Variants in COMMD1 observed in about 807,000 individuals in gnomAD.
COMMD1 encodes COMM domain-containing protein 1.
In COMMD1, 10 loss-of-function variants were observed where a neutral mutation model predicts 17.2. That is an observed-to-expected ratio of 0.58 (90% CI 0.36 to 0.99). The LOEUF (loss-of-function observed/expected upper bound fraction) is 0.99, where lower values mean the gene tolerates loss of function less well. COMMD1 is among the 50% of genes least tolerant of loss of function. The probability of loss-of-function intolerance (pLI) is 0.01; values close to 1 mark genes in which losing one functional copy is unlikely to be tolerated. For missense variants in COMMD1, 270 were observed against 231.8 expected (o/e 1.17, Z -1.07); for synonymous variants, 97 against 91.6 (o/e 1.06, Z -0.34).
At chr2:61,951,108 A>G (rs1403732831) in intron 1 of COMMD1, among the ~76,000 whole-genome samples, 1 of 152,140 alleles carries the variant, frequency 6.6e-6, no homozygotes, top group African/African-American at 2.4e-5. Flanking sequence ...ACTCCCACGG[A>G]GAGAGGGTTA....
intron 2 of COMMD1, among the ~76,000 whole-genome samples, chr2:62,065,803 T>C (rs143459701): frequency 3.3e-5 from 5 of 152,370 alleles, no homozygotes; most frequent in Admixed American, 2.6e-4. Flanking sequence ...CAAAAATTAA[T>C]GTAGATGTTT....
intron 2 of COMMD1, among the ~76,000 whole-genome samples, chr2:62,041,937 T>C (rs976334755): frequency 1.3e-5 from 2 of 152,204 alleles, no homozygotes; most frequent in African/African-American, 4.8e-5. Flanking sequence ...GTGAAAGAAC[T>C]AAGCTTCCAC....
In COMMD1 at chr2:61,914,815, C is replaced by T. The variant is rs188697316; in HGVS notation, c.180+8957C>T. ...AAGCGATTCTCGTGTCTCAGCCACCCGAGTGGCTGGGATTACAGGTGTGTG... is the reference window on the plus strand; with the variant it reads ...AAGCGATTCTCGTGTCTCAGCCACCTGAGTGGCTGGGATTACAGGTGTGTG... On this transcript the variant is annotated intron_variant, in intron 1 of 2. Coordinates refer to ENST00000311832, the MANE Select transcript of COMMD1 (RefSeq NM_152516.4). Among the ~76,000 whole-genome samples the T allele has an allele frequency of 3.4e-3, 521 of 151,558 alleles. 2 individuals are homozygous for T. Among genetic ancestry groups the T allele is most frequent in the African/African-American group, 0.012 (494 of 41,362 alleles).
At chr2:61,943,829 T>C (rs13391452) in intron 1 of COMMD1, among the ~76,000 whole-genome samples, 18,896 of 152,160 alleles carry the variant, frequency 0.12, 2,847 homozygotes, top group African/African-American at 0.36. Context: ...AGTGAGACTC[T>C]GTCTCAAAAA....
intron 2 of COMMD1, among the ~76,000 whole-genome samples, chr2:62,036,562 A>G (rs1573098984): frequency 6.6e-6 from 1 of 152,208 alleles, no homozygotes; most frequent in Non-Finnish European, 1.5e-5. Context: ...TGTCTTTGGA[A>G]GTTAGAAAGA....
At chr2:61,993,571 A>AAG (rs1326268359) in intron 1 of COMMD1, among the ~76,000 whole-genome samples, 1 of 152,222 alleles carries the variant, frequency 6.6e-6, no homozygotes, top group Admixed American at 6.5e-5. Context: ...CAAGATGTGG[A>AAG]AGAGAGAGAA....
intron 1 of COMMD1, among the ~76,000 whole-genome samples, chr2:61,990,674 G>A (rs1453449812): frequency 6.6e-6 from 1 of 152,134 alleles, no homozygotes; most frequent in African/African-American, 2.4e-5. Context: ...TGGCAGACAA[G>A]AGAAGAGTTT....
At chr2:62,041,771 T>G (rs984291269) in intron 2 of COMMD1, among the ~76,000 whole-genome samples, 2 of 152,170 alleles carry the variant, frequency 1.3e-5, no homozygotes, top group African/African-American at 4.8e-5. Flanking sequence ...GTTCGTTCCT[T>G]CAGATGTTCA....
At chr2:61,942,783 C>G (rs71422327) in intron 1 of COMMD1, among the ~76,000 whole-genome samples, 1,602 of 151,962 alleles carry the variant, frequency 0.011, 10 homozygotes, top group Non-Finnish European at 0.017. Context: ...AGTGATCTGC[C>G]CGCCTCAGCC....
intron 2 of COMMD1, among the ~76,000 whole-genome samples, chr2:62,117,896 C>A (rs1344144768): frequency 6.6e-6 from 1 of 152,134 alleles, no homozygotes; most frequent in Non-Finnish European, 1.5e-5. Flanking sequence ...CTGCCCCGCA[C>A]TCCCCGCCCC....
chr2:61,894,943 C>G (rs894738064), intron 1 of COMMD1, among the ~76,000 whole-genome samples: 1 of 152,130 alleles, frequency 6.6e-6, no homozygotes, highest in African/African-American at 2.4e-5. Flanking sequence ...GGTGATCCAC[C>G]TGCCTACCAA....
chr2:61,954,462 A>G (rs539177452), intron 1 of COMMD1, among the ~76,000 whole-genome samples: 15 of 152,288 alleles, frequency 9.8e-5, no homozygotes, highest in African/African-American at 2.9e-4. Context: ...TTTCCAATTT[A>G]AAAGAATGTA....
At chr2:62,056,719 G>T (rs1001417957) in intron 2 of COMMD1, among the ~76,000 whole-genome samples, 6 of 152,172 alleles carry the variant, frequency 3.9e-5, no homozygotes, top group African/African-American at 1.4e-4. Context: ...AAAAGAGTTT[G>T]AGCATTACTT....
At chr2:62,091,984 A>G (rs1375073177) in intron 2 of COMMD1, among the ~76,000 whole-genome samples, 2 of 152,338 alleles carry the variant, frequency 1.3e-5, no homozygotes, top group African/African-American at 2.4e-5. Flanking sequence ...GCTGTTCCAT[A>G]TAACACTCTT....
intron 2 of COMMD1, among the ~76,000 whole-genome samples, chr2:62,114,474 A>G (rs1450890860): frequency 2.0e-5 from 3 of 152,320 alleles, no homozygotes; most frequent in East Asian, 3.9e-4. Context: ...TTTCAGTGTT[A>G]TTTTTGAATA....
At chr2:62,124,790 T>TC (rs1672844898) in intron 2 of COMMD1, among the ~76,000 whole-genome samples, 1 of 152,162 alleles carries the variant, frequency 6.6e-6, no homozygotes, top group African/African-American at 2.4e-5. Context: ...CCTCAAGCAA[T>TC]CCACCTGCCT....
chr2:61,890,860 G>A (rs1669414209), intron 1 of COMMD1, among the ~76,000 whole-genome samples: 1 of 148,988 alleles, frequency 6.7e-6, no homozygotes, highest in African/African-American at 2.5e-5. Flanking sequence ...AAGGATATTA[G>A]CACTAGGAAA....
At chr2:62,058,534 G>T (rs182449295) in intron 2 of COMMD1, among the ~76,000 whole-genome samples, 465 of 152,198 alleles carry the variant, frequency 3.1e-3, no homozygotes, top group African/African-American at 0.01. Flanking sequence ...GCAGCACTGG[G>T]AGGCTGAGGT....
intron 2 of COMMD1, among the ~76,000 whole-genome samples, chr2:62,083,175 T>G (rs577057732): frequency 6.6e-6 from 1 of 152,030 alleles, no homozygotes; most frequent in African/African-American, 2.4e-5. Flanking sequence ...ACGTGGGAGG[T>G]TTGCTTGAGC....
Sources: allele counts gnomAD v4.1 joint callset (sites outside exome capture counted in the v4.1 genomes callset), GRCh38; gene constraint gnomAD v4.1.1; transcripts MANE v1.5; gene names NCBI Gene and HGNC (gene_info 2026-07-23, HGNC 2026-07-21).